Variants in PCNT observed in about 807,000 individuals in gnomAD.
The protein encoded by PCNT is kendrin.
In PCNT, 319 loss-of-function variants were observed where a neutral mutation model predicts 380.4. That is an observed-to-expected ratio of 0.84 (90% CI 0.77 to 0.92). The LOEUF is 0.92. Ranked by LOEUF, PCNT falls within the 40% of genes least tolerant of loss-of-function variation. PCNT has a pLI of 0.00. For synonymous variants in PCNT, 1,845 were observed against 1,735.2 expected (o/e 1.06, Z -1.57); for missense variants, 4,400 against 4,255.3 (o/e 1.03, Z -0.95).
intron 2 of PCNT, among the ~76,000 whole-genome samples, chr21:46,326,845 C>T (rs376260557): frequency 6.6e-6 from 1 of 151,948 alleles, no homozygotes; most frequent in Admixed American, 6.6e-5. Context: ...GAAACCCTGT[C>T]TATACTAAAA....
chr21:46,427,931 AC>A, intron 34 of PCNT, 136 bp downstream of exon 34: 1 of 962,078 alleles, frequency 1.0e-6, no homozygotes, highest in Non-Finnish European at 1.6e-6. Context: ...GCTGTCACTT[AC>A]CCAGGTGTTG....
At chr21:46,413,569 A>G (rs1016326806) in intron 29 of PCNT, among the ~76,000 whole-genome samples, 16 of 152,360 alleles carry the variant, frequency 1.1e-4, no homozygotes, top group East Asian at 3.9e-4. Flanking sequence ...TGTAGAAACA[A>G]TCAGTTGGGT....
At chr21:46,326,243 G>A (rs2083391085) in intron 1 of PCNT, 134 bp from the exon 2 acceptor site, 4 of 751,504 alleles carry the variant, frequency 5.3e-6, no homozygotes, top group Non-Finnish European at 9.3e-6. Context: ...AGAGCCATCT[G>A]TTGGCCAGGT....
intron 1 of PCNT, among the ~76,000 whole-genome samples, chr21:46,326,117 A>G (rs867836216): frequency 2.6e-5 from 4 of 152,344 alleles, no homozygotes; most frequent in South Asian, 2.1e-4. Context: ...TAAACTGCCA[A>G]GGGCTAGGAA....
In PCNT at chr21:46,416,785, G is replaced by T. The variant is rs1257157964; in HGVS notation, c.6867G>T (p.Leu2289=). Residue 2289 remains leucine, a synonymous_variant, in exon 30 of 47, where the codon CTG becomes CTT. Coordinates refer to ENST00000359568, the MANE Select transcript of PCNT (RefSeq NM_006031.6). ...GCGTGTCTGCAGCAGCGCTGGCACT[G>T]CAGTGGGCCGAGTCTCCGCCGGCTG... The part of the protein sequence containing the change: ...SPGVSAAALA[L]QWAESPPADD... 2 of 1,601,906 alleles carry T rather than the reference G, an allele frequency of 1.2e-6. No homozygotes were observed. Among genetic ancestry groups the T allele is most frequent in the Non-Finnish European group, 1.7e-6 (2 of 1,179,120 alleles).
intron 12 of PCNT, among the ~76,000 whole-genome samples, chr21:46,356,239 C>G (rs2084472048): frequency 6.6e-6 from 1 of 152,196 alleles, no homozygotes; most frequent in Non-Finnish European, 1.5e-5. Context: ...GGGGCTGAGG[C>G]CGCGGGTCCT....
intron 3 of PCNT, among the ~76,000 whole-genome samples, chr21:46,341,439 C>G (rs1278913000): frequency 1.3e-5 from 2 of 151,914 alleles, no homozygotes; most frequent in Non-Finnish European, 2.9e-5. Flanking sequence ...TTCATCTGAT[C>G]AGTCTTCCAA....
At position 46,345,390 on chromosome 21, in the gene PCNT, G is replaced by A. The variant is rs568925728; in HGVS notation, c.640-738G>A. Among the ~76,000 whole-genome samples the A allele has an allele frequency of 3.3e-5, 5 of 152,058 alleles. No homozygotes were observed. The South Asian group carries it at 1.0e-3, about 32-fold the overall frequency. On this transcript the variant is annotated intron_variant, in intron 3 of 46. Transcript: ENST00000359568. ...CCGCCACCACGCCTGGCTAATTTTT[G>A]TATTTTTAGTAGAGATGGGGTTTCA...
intron 32 of PCNT, among the ~76,000 whole-genome samples, chr21:46,424,518 G>A (rs743344): frequency 3.9e-5 from 6 of 152,234 alleles, no homozygotes; most frequent in Non-Finnish European, 4.4e-5. Context: ...GTCACCTGGC[G>A]GGAAGCTGTG....
chr21:46,416,694 C>T lies in PCNT; in HGVS notation c.6776C>T (p.Ser2259Phe). ...CTGAGCCTGTGCAGTGCCGACACATCCCTGGGGGACAGGGCGGACACCTCG... is the reference window on the plus strand; with the variant it reads ...CTGAGCCTGTGCAGTGCCGACACATTCCTGGGGGACAGGGCGGACACCTCG... Reference protein sequence around the residue: ...GALSLCSADTSLGDRADTSLP... With the variant: ...GALSLCSADTFLGDRADTSLP... Residue 2259 changes from serine (S) to phenylalanine (F), a missense_variant, in exon 30 of 47, where the codon TCC (serine) becomes TTC (phenylalanine). By Grantham distance (155) the Ser-to-Phe change is radical. Transcript: ENST00000359568. 2 of 1,567,282 alleles carry T rather than the reference C, an allele frequency of 1.3e-6. No individual in the cohort carries two copies. Among genetic ancestry groups the T allele is most frequent in the South Asian group, 2.4e-5 (2 of 83,174 alleles).
At chr21:46,331,281 C>T (rs980239239) in intron 2 of PCNT, among the ~76,000 whole-genome samples, 3 of 152,090 alleles carry the variant, frequency 2.0e-5, no homozygotes, top group African/African-American at 7.2e-5. Context: ...CTCGGCCTCC[C>T]AAAGTGCTGG....
chr21:46,429,620 G>A (rs372900840), intron 35 of PCNT, among the ~76,000 whole-genome samples: 40 of 152,310 alleles, frequency 2.6e-4, no homozygotes, highest in South Asian at 8.3e-4. Context: ...TAGCCCCTCC[G>A]CCCTCCGTTG....
intron 31 of PCNT, among the ~76,000 whole-genome samples, chr21:46,419,442 T>C (rs905550102): frequency 3.3e-5 from 5 of 152,212 alleles, no homozygotes; most frequent in Non-Finnish European, 7.3e-5. Flanking sequence ...TAAAGTGGCA[T>C]CTTCAGCCCT....
At chr21:46,412,789 A>G (rs1316048583) in intron 28 of PCNT, 48 bp from the exon 29 acceptor site, 35 of 1,601,860 alleles carry the variant, frequency 2.2e-5, no homozygotes, top group Non-Finnish European at 3.0e-5. Flanking sequence ...GGGCAGCCCC[A>G]GCAACAGCCT....
At position 46,397,250 on chromosome 21, in the gene PCNT, T is replaced by C. The variant is rs2086240455; in HGVS notation, c.4217-15T>C. The C allele has an allele frequency of 1.9e-6, 3 of 1,607,164 alleles. No individual in the cohort carries two copies. Among genetic ancestry groups the C allele is most frequent in the Non-Finnish European group, 2.6e-6 (3 of 1,173,816 alleles). ...TGCGGGGGTGTCCCCGTGTCTGTCC[T>C]GTTTGCATCCTTAGCTCTCCGGAAG... On this transcript the variant is annotated splice_polypyrimidine_tract_variant and intron_variant, in intron 21 of 46. Coordinates refer to ENST00000359568, the MANE Select transcript of PCNT (RefSeq NM_006031.6).
Position 46,416,517 on chromosome 21 carries a change from C to T in PCNT, c.6599C>T (p.Ser2200Phe). The T allele has an allele frequency of 1.2e-6, 2 of 1,613,598 alleles. No homozygotes were observed. The highest frequency in any genetic ancestry group is 8.5e-7 in the Non-Finnish European group (1 of 1,179,778). ...TCACCGACCAGCGTACTTGGTGGCT[C>T]CCGCCACCAGAGCCACACTGCAGAG... ...LSSPTSVLGG[S>F]RHQSHTAEAG... Residue 2200 changes from serine to phenylalanine, a missense_variant, in exon 30 of 47, where the codon TCC becomes TTC. By Grantham distance (155) the Ser-to-Phe change is radical. Coordinates refer to ENST00000359568, the MANE Select transcript of PCNT (RefSeq NM_006031.6).
chr21:46,427,887 C>G, intron 34 of PCNT, 92 bp downstream of exon 34: 1 of 1,434,124 alleles, frequency 7.0e-7, no homozygotes, highest in Middle Eastern at 2.3e-4. Context: ...GTGTGAATTT[C>G]GGTTTGTGTG....
At chr21:46,349,624 AG>A (rs1459143655) in intron 7 of PCNT, 59 bp from the exon 8 acceptor site, 1 of 1,564,234 alleles carries the variant, frequency 6.4e-7, no homozygotes, top group African/African-American at 1.4e-5. Flanking sequence ...ATTGTCACTG[AG>A]GTCGCTGTTG....
chr21:46,427,818 G>A, intron 34 of PCNT, 23 bp downstream of exon 34: 1 of 1,612,416 alleles, frequency 6.2e-7, no homozygotes, highest in East Asian at 2.2e-5. Context: ...TCTGCCACCA[G>A]GCCTCAGTTT....
Sources: gnomAD v4.1 joint callset for allele counts (sites outside exome capture counted in the v4.1 genomes callset) on GRCh38, gnomAD v4.1.1 for gene constraint, MANE v1.5 for transcripts, NCBI Gene and HGNC (gene_info 2026-07-23, HGNC 2026-07-21) for gene names.